Variants in CNTNAP5 observed in about 807,000 individuals in gnomAD.
The protein encoded by CNTNAP5 is contactin associated protein family member 5, also known as contactin-associated protein-like 5.
CNTNAP5 carries 72 observed loss-of-function variants against 150.2 expected under a neutral mutation model. That is an observed-to-expected ratio of 0.48 (90% confidence interval 0.40 to 0.58). The LOEUF is 0.58. Ranked by LOEUF, CNTNAP5 falls within the 20% of genes least tolerant of loss-of-function variation. The pLI is 0.00. For missense variants in CNTNAP5, 1,636 were observed against 1,626.2 expected, an observed-to-expected ratio of 1.01 and a Z score of -0.10; for synonymous variants, 672 against 619.8, an observed-to-expected ratio of 1.08 and a Z score of -1.25.
chr2:124,056,477 A>T (rs58601557), intron 1 of CNTNAP5, among the ~76,000 whole-genome samples: 1 of 144,678 alleles, frequency 6.9e-6, no homozygotes, highest in Non-Finnish European at 1.5e-5. Context: ...ACAAAAAAAA[A>T]GAAAAAAAGA....
At position 124,512,550 on chromosome 2, in the gene CNTNAP5, A is replaced by G. The variant is rs1694615870; in HGVS notation, c.1327+7994A>G. Among the ~76,000 whole-genome samples, 3 of 152,254 alleles carry G rather than the reference A, an allele frequency of 2.0e-5. No homozygotes were observed. The South Asian group carries it at 6.2e-4, about 32-fold the overall frequency. ...AGAAACCAAGAAAATACCATGAAAAAGTGTCTATAGTCAAGGCAAATGGCT... is the reference window on the plus strand; with the variant it reads ...AGAAACCAAGAAAATACCATGAAAAGGTGTCTATAGTCAAGGCAAATGGCT... On this transcript the variant is annotated intron_variant, in intron 8 of 23. Transcript: ENST00000682447.
chr2:124,371,249 T>C (rs1428973316), intron 3 of CNTNAP5, among the ~76,000 whole-genome samples: 2 of 152,100 alleles, frequency 1.3e-5, no homozygotes, highest in Non-Finnish European at 2.9e-5. Context: ...TAGCTTAAAA[T>C]ATCGTGGGGT....
intron 1 of CNTNAP5, among the ~76,000 whole-genome samples, chr2:124,045,768 G>A (rs1681515612): frequency 2.0e-5 from 3 of 151,906 alleles, no homozygotes; most frequent in Admixed American, 2.0e-4. Context: ...TTTATGTGTT[G>A]GGGAAGAAGG....
intron 3 of CNTNAP5, among the ~76,000 whole-genome samples, chr2:124,372,574 A>G (rs1367151741): frequency 6.6e-6 from 1 of 152,118 alleles, no homozygotes; most frequent in Admixed American, 6.5e-5. Flanking sequence ...CCAACTTCTG[A>G]CAACGAAGTG....
chr2:124,376,402 G>T (rs936594725), intron 3 of CNTNAP5, among the ~76,000 whole-genome samples: 1 of 152,082 alleles, frequency 6.6e-6, no homozygotes, highest in Non-Finnish European at 1.5e-5. Flanking sequence ...TATTTACAAA[G>T]CACAGAGTTT....
chr2:124,642,213 T>A (rs1417175857), intron 12 of CNTNAP5, among the ~76,000 whole-genome samples: 3 of 152,184 alleles, frequency 2.0e-5, no homozygotes, highest in Non-Finnish European at 4.4e-5. Flanking sequence ...ATACAAAATG[T>A]TTCAGAATAT....
chr2:124,061,534 A>G (rs1028307293), intron 1 of CNTNAP5, among the ~76,000 whole-genome samples: 2 of 152,196 alleles, frequency 1.3e-5, no homozygotes, highest in African/African-American at 2.4e-5. Context: ...TAAAAGAAAG[A>G]AGACCATGGG....
intron 1 of CNTNAP5, among the ~76,000 whole-genome samples, chr2:124,120,967 T>C (rs1403785739): frequency 6.6e-6 from 1 of 152,092 alleles, no homozygotes; most frequent in Non-Finnish European, 1.5e-5. Context: ...AGGATAAATT[T>C]TGGTGTAAGA....
chr2:124,228,724 C>T lies in CNTNAP5; in HGVS notation c.187+6915C>T, dbSNP rs191153364. ...ATAGTGTTTTCTTAACACATTTATT[C>T]ATTGGTTCATTTATTACAGTAATTA... On this transcript the variant is annotated intron_variant, in intron 2 of 23. Coordinates refer to ENST00000682447, the MANE Select transcript of CNTNAP5 (RefSeq NM_001367498.1). Among the ~76,000 whole-genome samples the T allele has an allele frequency of 1.2e-3, 186 of 152,222 alleles. 1 individual carries two copies. Among genetic ancestry groups the T allele is most frequent in the Admixed American group, 9.2e-3 (141 of 15,264 alleles).
intron 7 of CNTNAP5, among the ~76,000 whole-genome samples, chr2:124,476,576 G>A (rs1693645794): frequency 6.6e-6 from 1 of 152,168 alleles, no homozygotes; most frequent in Admixed American, 6.6e-5. Flanking sequence ...AGTAGCGGCA[G>A]AAGTCTAGGC....
At chr2:124,343,861 G>T (rs1218535757) in intron 3 of CNTNAP5, among the ~76,000 whole-genome samples, 2 of 152,150 alleles carry the variant, frequency 1.3e-5, no homozygotes, top group Non-Finnish European at 2.9e-5. Context: ...CCTGGCTTCT[G>T]GTGAAAGCTT....
In CNTNAP5 at chr2:124,446,845, C is replaced by G. The variant is rs200941353; in HGVS notation, c.826C>G (p.Arg276Gly). 6.2e-7 allele frequency: 1 copy of G among 1,613,868 alleles called. No individual in the cohort carries two copies. The highest frequency in any genetic ancestry group is 2.2e-5 in the East Asian group (1 of 44,850). ...GCACTGGCACTCGGTCCTCATTGAG[C>G]GGGTGGGCAAGCAGGTGAACTTCAC... ...DQHWHSVLIERVGKQVNFTVD... is the reference protein window; with the variant it reads ...DQHWHSVLIEGVGKQVNFTVD... Residue 276 changes from arginine to glycine, a missense_variant, in exon 6 of 24, where the codon CGG becomes GGG. Arg to Gly is a moderately radical substitution (Grantham distance 125). Coordinates refer to ENST00000682447, the MANE Select transcript of CNTNAP5 (RefSeq NM_001367498.1).
intron 1 of CNTNAP5, among the ~76,000 whole-genome samples, chr2:124,083,216 T>G (rs1199961384): frequency 6.6e-6 from 1 of 152,094 alleles, no homozygotes. Context: ...GGTGTGGTGA[T>G]GCGTGCCTGT....
In CNTNAP5 at chr2:124,029,121, A is replaced by G. The variant is rs1245596169; in HGVS notation, c.82+3389A>G. Among the ~76,000 whole-genome samples the G allele has an allele frequency of 2.6e-5, 4 of 152,086 alleles. No homozygotes were observed. The East Asian group carries it at 7.7e-4, about 29-fold the overall frequency. On this transcript the variant is annotated intron_variant, in intron 1 of 23. Transcript: ENST00000682447. ...TGCTACATATTAGGGTCACACAAAT[A>G]CAGCATTGAGAGAGGGATCAAAAAC... is the stretch of plus-strand genomic sequence containing the variant.
intron 1 of CNTNAP5, among the ~76,000 whole-genome samples, chr2:124,145,811 T>TAAAAAAAAAAAAAAAAAAAAAAAAAAA (rs761766577): frequency 2.3e-4 from 3 of 12,776 alleles, no homozygotes; most frequent in East Asian, 1.1e-3. Context: ...AAAAAAAACA[T>TAAAAAAAAAAAAAAAAAAAAAAAAAAA]TAAAAAAAAA....
chr2:124,889,530 T>C (rs1214359278), intron 21 of CNTNAP5, among the ~76,000 whole-genome samples: 1 of 152,118 alleles, frequency 6.6e-6, no homozygotes, highest in East Asian at 1.9e-4. Flanking sequence ...GATTCTTAAA[T>C]ATAGCATTTT....
chr2:124,061,050 GT>G (rs975679577), intron 1 of CNTNAP5, among the ~76,000 whole-genome samples: 3 of 151,802 alleles, frequency 2.0e-5, no homozygotes, highest in Non-Finnish European at 4.4e-5. Flanking sequence ...TTCCCCTTCC[GT>G]TTTTTTTCTG....
chr2:124,375,157 T>C (rs1214414660), intron 3 of CNTNAP5, among the ~76,000 whole-genome samples: 1 of 152,038 alleles, frequency 6.6e-6, no homozygotes, highest in Non-Finnish European at 1.5e-5. Flanking sequence ...GGATCATCTA[T>C]GCATGGTAAA....
intron 6 of CNTNAP5, among the ~76,000 whole-genome samples, chr2:124,452,191 C>G (rs1308821591): frequency 6.6e-6 from 1 of 152,020 alleles, no homozygotes; most frequent in Non-Finnish European, 1.5e-5. Flanking sequence ...AGACTTGGTG[C>G]TATTGAGGGT....
Sources: allele counts gnomAD v4.1 joint callset (sites outside exome capture counted in the v4.1 genomes callset), GRCh38; gene constraint gnomAD v4.1.1; transcripts MANE v1.5; gene names NCBI Gene and HGNC (gene_info 2026-07-23, HGNC 2026-07-21).